HPSE2: variants seen among roughly 807,000 people sequenced by gnomAD.
HPSE2 encodes the protein heparanase 2 (inactive).
In HPSE2, 38 loss-of-function variants were observed where a neutral mutation model predicts 60.5. The observed-to-expected ratio is 0.63, with a 90% CI of 0.48 to 0.82. HPSE2 has a LOEUF of 0.82. HPSE2 is among the 40% of genes least tolerant of loss of function. HPSE2 has a pLI of 0.00. For synonymous variants in HPSE2, 295 were observed against 293.2 expected, an observed-to-expected ratio of 1.01 and a Z score of -0.06; for missense variants, 713 against 740.4, an observed-to-expected ratio of 0.96 and a Z score of 0.43.
Position 99,156,280 on chromosome 10 carries a change from G to A in HPSE2, c.449-11881C>T, listed in dbSNP as rs1200666978. On this transcript the variant is annotated intron_variant, in intron 2 of 11. Coordinates refer to ENST00000370552, the MANE Select transcript of HPSE2 (RefSeq NM_021828.5). ...CCAGCATCATTCTGATACCAAAGCC[G>A]GGCAGAGACACAACCAAAAAAGAGA... 4.2e-4 allele frequency among the ~76,000 whole-genome samples: 51 copies of A among 120,244 alleles called. 2 individuals are homozygous for A. The highest frequency in any genetic ancestry group is 1.9e-3 in the East Asian group (7 of 3,684). 78.9% of individuals were successfully genotyped at this position (120,244 alleles called of 152,430 possible).
At chr10:98,841,251 G>A (rs1374958872) in intron 3 of HPSE2, among the ~76,000 whole-genome samples, 1 of 152,012 alleles carries the variant, frequency 6.6e-6, no homozygotes, top group Non-Finnish European at 1.5e-5. Flanking sequence ...AGCAAGAGAC[G>A]CTGTCTCAAC....
the HPSE2 span, among the ~76,000 whole-genome samples, chr10:99,273,012 C>T: frequency 2.6e-5 from 4 of 152,114 alleles, no homozygotes; most frequent in African/African-American, 9.7e-5. Context: ...AATATGGAAC[C>T]AGCCCAAATG....
At chr10:98,739,793 T>C (rs996170746) in intron 4 of HPSE2, among the ~76,000 whole-genome samples, 1 of 152,182 alleles carries the variant, frequency 6.6e-6, no homozygotes, top group Non-Finnish European at 1.5e-5. Flanking sequence ...GGCAGATATA[T>C]TTGGGAAGCA....
At chr10:98,547,755 T>C (rs943236065) in intron 9 of HPSE2, among the ~76,000 whole-genome samples, 62 of 151,510 alleles carry the variant, frequency 4.1e-4, no homozygotes, top group Non-Finnish European at 8.0e-4. Context: ...TGTATACATA[T>C]GTAACTAACC....
At chr10:98,924,060 T>C (rs978387092) in intron 3 of HPSE2, among the ~76,000 whole-genome samples, 5 of 152,192 alleles carry the variant, frequency 3.3e-5, no homozygotes, top group African/African-American at 9.7e-5. Flanking sequence ...GAAGGTTTTC[T>C]AGGTATTCAA....
At chr10:98,928,982 G>T (rs540189451) in intron 3 of HPSE2, among the ~76,000 whole-genome samples, 2 of 93,576 alleles carry the variant, frequency 2.1e-5, no homozygotes, top group Admixed American at 2.3e-4. Context: ...AAAACTTAAA[G>T]TATAATAATA....
rs1383116060 is a variant in HPSE2 at position 99,132,231 on chromosome 10, G to A, written c.610+12007C>T. Reference sequence around the variant, plus strand: ...AGAGAGAGAGAGAGAGAGAGAGAGAGAGAGAGAGAGAGAAAGAAAGAAAGA... The same window carrying A: ...AGAGAGAGAGAGAGAGAGAGAGAGAAAGAGAGAGAGAGAAAGAAAGAAAGA... On this transcript the variant is annotated intron_variant, in intron 3 of 11. Transcript: ENST00000370552. Among the ~76,000 whole-genome samples the A allele has an allele frequency of 2.1e-3, 75 of 35,866 alleles. 3 individuals carry two copies. The Middle Eastern group carries it at 0.054, about 26-fold the overall frequency. 23.5% of individuals were successfully genotyped at this position (35,866 alleles called of 152,430 possible).
At chr10:99,066,705 C>T (rs115913152) in intron 3 of HPSE2, among the ~76,000 whole-genome samples, 1,667 of 152,214 alleles carry the variant, frequency 0.011, 19 homozygotes, top group African/African-American at 0.031. Context: ...CCTTGACACA[C>T]GGGGATTATC....
At chr10:98,777,150 C>G (rs2134439325) in intron 3 of HPSE2, among the ~76,000 whole-genome samples, 1 of 152,254 alleles carries the variant, frequency 6.6e-6, no homozygotes, top group Admixed American at 6.5e-5. Flanking sequence ...ACAAAAACAA[C>G]TTGAAGTTCC....
chr10:98,874,150 T>C (rs190942880), intron 3 of HPSE2, among the ~76,000 whole-genome samples: 1 of 148,664 alleles, frequency 6.7e-6, no homozygotes, highest in East Asian at 2.0e-4. Context: ...TCCCATTCTG[T>C]ATGTTGTGTG....
intron 9 of HPSE2, among the ~76,000 whole-genome samples, chr10:98,566,816 G>C (rs768371271): frequency 2.2e-4 from 34 of 152,158 alleles, no homozygotes; most frequent in Non-Finnish European, 4.3e-4. Context: ...CTATGGAAGG[G>C]GAGGTGACTT....
At chr10:99,232,193 G>T (rs1422627105) in intron 2 of HPSE2, among the ~76,000 whole-genome samples, 155 bp downstream of exon 2, 1 of 147,830 alleles carries the variant, frequency 6.8e-6, no homozygotes, top group African/African-American at 2.5e-5. Context: ...CTCCAAATCT[G>T]CCCCAACGCG....
intron 3 of HPSE2, among the ~76,000 whole-genome samples, chr10:98,984,465 G>C (rs1447225784): frequency 6.6e-6 from 1 of 152,094 alleles, no homozygotes; most frequent in Non-Finnish European, 1.5e-5. Flanking sequence ...CAAACAGAAA[G>C]GACATCCACA....
chr10:98,528,137 G>T (rs985976857), intron 9 of HPSE2, among the ~76,000 whole-genome samples: 3 of 151,960 alleles, frequency 2.0e-5, no homozygotes, highest in Non-Finnish European at 4.4e-5. Context: ...GGTATCACCC[G>T]CATTCTCATT....
At chr10:98,559,028 G>C (rs1329359998) in intron 9 of HPSE2, among the ~76,000 whole-genome samples, 1 of 152,042 alleles carries the variant, frequency 6.6e-6, no homozygotes, top group African/African-American at 2.4e-5. Context: ...CTCTCTGTCT[G>C]TTGGTTCTTG....
At chr10:98,749,929 A>ACT (rs1480244186) in intron 3 of HPSE2, among the ~76,000 whole-genome samples, 8 of 10,838 alleles carry the variant, frequency 7.4e-4, no homozygotes, top group Non-Finnish European at 4.4e-3. Flanking sequence ...TATATTAAAC[A>ACT]CTATATATAT....
intron 3 of HPSE2, among the ~76,000 whole-genome samples, chr10:99,004,275 C>T (rs1329344089): frequency 6.6e-6 from 1 of 151,526 alleles, no homozygotes. Flanking sequence ...GGGCTTATCA[C>T]TGTTATTTTG....
chr10:98,983,850 G>A (rs998858863), intron 3 of HPSE2, among the ~76,000 whole-genome samples: 12 of 152,284 alleles, frequency 7.9e-5, no homozygotes, highest in Non-Finnish European at 1.6e-4. Context: ...ATTATATCCT[G>A]CGCCTGGCTC....
In HPSE2 at chr10:98,528,012, C is replaced by T. The variant is rs892234434; in HGVS notation, c.1321-37816G>A. On this transcript the variant is annotated intron_variant, in intron 9 of 11. Transcript: ENST00000370552. ...CAGTGGGACAGGTGGGTATCATTCG[C>T]GGTCAGGTGTTCTCTGAACCTTCTA... 5.3e-5 allele frequency among the ~76,000 whole-genome samples: 8 copies of T among 152,162 alleles called. No homozygotes were observed. In the East Asian group the frequency reaches 1.5e-3, roughly 29 times the overall value.
Sources: gnomAD v4.1 joint callset for allele counts (sites outside exome capture counted in the v4.1 genomes callset) on GRCh38, gnomAD v4.1.1 for gene constraint, MANE v1.5 for transcripts, NCBI Gene and HGNC (gene_info 2026-07-23, HGNC 2026-07-21) for gene names.